CNKSR3: variants seen among roughly 807,000 people sequenced by gnomAD.
CNKSR3 encodes connector enhancer of kinase suppressor of ras 3.
Under a neutral mutation model 67.7 loss-of-function variants are expected in CNKSR3, and 36 were observed. The observed-to-expected ratio is 0.53, with a 90% CI of 0.41 to 0.70. The LOEUF is 0.70. Among genes scored for constraint, CNKSR3 ranks in the 30% least tolerant of loss-of-function variants. The pLI is 0.00. For synonymous variants in CNKSR3, 281 were observed against 271.4 expected, an observed-to-expected ratio of 1.04 and a Z score of -0.35; for missense variants, 630 against 695.2, an observed-to-expected ratio of 0.91 and a Z score of 1.05.
chr6:154,439,355 C>T (rs1251946050), intron 4 of CNKSR3, among the ~76,000 whole-genome samples: 3 of 152,110 alleles, frequency 2.0e-5, no homozygotes, highest in Admixed American at 1.3e-4. Flanking sequence ...CCAAATACCT[C>T]GGAAGCCAAC....
At chr6:154,482,316 C>T (rs1786582068) in intron 1 of CNKSR3, among the ~76,000 whole-genome samples, 1 of 152,172 alleles carries the variant, frequency 6.6e-6, no homozygotes, top group Admixed American at 6.5e-5. Flanking sequence ...GAGATCAGTT[C>T]TCCCTTGTTA....
At chr6:154,472,632 G>A (rs55699145) in intron 1 of CNKSR3, among the ~76,000 whole-genome samples, 5 of 152,206 alleles carry the variant, frequency 3.3e-5, no homozygotes, top group Admixed American at 2.6e-4. Flanking sequence ...CGACTGTTTT[G>A]GTCCACATCA....
At chr6:154,465,909 A>T (rs1323600079) in intron 1 of CNKSR3, among the ~76,000 whole-genome samples, 1 of 152,236 alleles carries the variant, frequency 6.6e-6, no homozygotes, top group Non-Finnish European at 1.5e-5. Flanking sequence ...CTTTCTAGGA[A>T]ATCTGGATGG....
At chr6:154,455,930 A>T (rs1205848388) in intron 1 of CNKSR3, among the ~76,000 whole-genome samples, 1 of 152,192 alleles carries the variant, frequency 6.6e-6, no homozygotes, top group Non-Finnish European at 1.5e-5. Flanking sequence ...TTAATTAATT[A>T]ATCTCCCCTA....
intron 1 of CNKSR3, among the ~76,000 whole-genome samples, chr6:154,499,523 T>A (rs1786941072): frequency 6.6e-6 from 1 of 152,216 alleles, no homozygotes; most frequent in East Asian, 1.9e-4. Context: ...TGACAGGATG[T>A]TGAGACGCCC....
At chr6:154,470,184 TTTCC>T (rs1562347527) in intron 1 of CNKSR3, among the ~76,000 whole-genome samples, 17 of 100,926 alleles carry the variant, frequency 1.7e-4, no homozygotes, top group Non-Finnish European at 2.3e-4. Flanking sequence ...ACCTACTTTC[TTTCC>T]TTTTTTTTTT....
intron 1 of CNKSR3, among the ~76,000 whole-genome samples, chr6:154,487,269 T>C (rs1046749952): frequency 5.9e-5 from 9 of 152,300 alleles, no homozygotes; most frequent in Non-Finnish European, 1.2e-4. Flanking sequence ...AGGATATGCC[T>C]GAGTTCTATG....
rs181407475 is a variant in CNKSR3 at position 154,471,819 on chromosome 6, A to G, written c.53-21561T>C. ...GCACCTCACTTTGAGAGACCCTGCC[A>G]TAACGCTTCAGGAAATGCCAGTCCT... On this transcript the variant is annotated intron_variant, in intron 1 of 12. Transcript: ENST00000607772. Among the ~76,000 whole-genome samples, 278 of 152,250 alleles carry G rather than the reference A, an allele frequency of 1.8e-3. 2 individuals carry two copies. The highest frequency in any genetic ancestry group is 3.4e-3 in the Middle Eastern group (1 of 294).
intron 12 of CNKSR3, among the ~76,000 whole-genome samples, chr6:154,407,631 G>T (rs1784822623): frequency 6.6e-6 from 1 of 151,912 alleles, no homozygotes; most frequent in Non-Finnish European, 1.5e-5. Context: ...CTCCCAAGTA[G>T]CTGGGACTAC....
intron 2 of CNKSR3, among the ~76,000 whole-genome samples, chr6:154,445,397 CA>C: frequency 6.6e-6 from 1 of 152,032 alleles, no homozygotes; most frequent in Non-Finnish European, 1.5e-5. Context: ...TTCAAAGAAT[CA>C]AAGACTCACA....
At position 154,390,084 on chromosome 6, in the gene CNKSR3, A is replaced by C. The variant is rs1419474994; in HGVS notation, c.*16270T>G. 3 of 152,212 alleles carry C rather than the reference A, an allele frequency of 2.0e-5. No homozygotes were observed. Among genetic ancestry groups the C allele is most frequent in the African/African-American group, 7.2e-5 (3 of 41,456 alleles). The allele number at this position is 152,212 out of a possible 1,614,324, so 9.4% of individuals were successfully genotyped here. A position where few individuals can be genotyped will look rare whatever the true frequency, so the allele number is the denominator to read the frequency against. ...TTTATTTCATTTCATTTTGAAAATA[A>C]TAAAAGGAACACCCCATGTACCCAT... is the stretch of plus-strand genomic sequence containing the variant. On this transcript the variant is annotated 3_prime_UTR_variant, in exon 13 of 13. Coordinates refer to ENST00000607772, the MANE Select transcript of CNKSR3 (RefSeq NM_173515.4).
At chr6:154,445,016 T>A (rs1785680085) in intron 2 of CNKSR3, among the ~76,000 whole-genome samples, 1 of 127,170 alleles carries the variant, frequency 7.9e-6, no homozygotes, top group African/African-American at 3.0e-5. Flanking sequence ...GGTAAGAAAC[T>A]TTTTTTTTTT....
At chr6:154,473,853 C>T (rs914404898) in intron 1 of CNKSR3, among the ~76,000 whole-genome samples, 5 of 151,822 alleles carry the variant, frequency 3.3e-5, no homozygotes, top group African/African-American at 1.2e-4. Flanking sequence ...GGCATGATCT[C>T]AGCTCACTGC....
intron 1 of CNKSR3, among the ~76,000 whole-genome samples, chr6:154,477,225 A>G (rs1248931522): frequency 6.6e-6 from 1 of 152,212 alleles, no homozygotes. Flanking sequence ...TTGTAACATT[A>G]TAACATCATG....
chr6:154,493,595 C>T (rs1786822272), intron 1 of CNKSR3, among the ~76,000 whole-genome samples: 1 of 152,164 alleles, frequency 6.6e-6, no homozygotes, highest in Admixed American at 6.5e-5. Context: ...TTTATCCATT[C>T]TCATATTGTT....
chr6:154,498,274 G>C (rs1786916442), intron 1 of CNKSR3, among the ~76,000 whole-genome samples: 1 of 152,000 alleles, frequency 6.6e-6, no homozygotes, highest in East Asian at 1.9e-4. Flanking sequence ...GCTTCTCACT[G>C]GACAATTAAC....
At chr6:154,494,177 A>T (rs1316914359) in intron 1 of CNKSR3, among the ~76,000 whole-genome samples, 1 of 152,218 alleles carries the variant, frequency 6.6e-6, no homozygotes, top group Non-Finnish European at 1.5e-5. Context: ...AGGCCTCAGG[A>T]AACTTACAAT....
chr6:154,475,956 G>A (rs1786436996), intron 1 of CNKSR3, among the ~76,000 whole-genome samples: 1 of 152,080 alleles, frequency 6.6e-6, no homozygotes, highest in South Asian at 2.1e-4. Context: ...GGCAAACAGT[G>A]TAAGAAGGCT....
chr6:154,427,762 A>C (rs558883441), intron 7 of CNKSR3, among the ~76,000 whole-genome samples: 185 of 152,332 alleles, frequency 1.2e-3, no homozygotes, highest in African/African-American at 4.2e-3. Flanking sequence ...TAAATAAAAA[A>C]AATTATATTT....
Sources: allele counts gnomAD v4.1 joint callset (sites outside exome capture counted in the v4.1 genomes callset), GRCh38; gene constraint gnomAD v4.1.1; transcripts MANE v1.5; gene names NCBI Gene and HGNC (gene_info 2026-07-23, HGNC 2026-07-21).